CYRIA: variants seen among roughly 807,000 people sequenced by gnomAD.
CYRIA encodes CYFIP-related Rac1 interactor A.
In CYRIA, 15 loss-of-function variants were observed where a neutral mutation model predicts 43.9. The ratio of observed to expected loss-of-function variants is 0.34; its 90% CI spans 0.23 to 0.53. CYRIA has a LOEUF of 0.53. Among genes scored for constraint, CYRIA ranks in the 20% least tolerant of loss-of-function variants. The pLI is 0.94. For synonymous variants in CYRIA, 117 were observed against 136.0 expected (o/e 0.86, Z 0.97); for missense variants, 236 against 394.2 (o/e 0.60, Z 3.40).
rs554100815 is a variant in CYRIA at position 16,562,789 on chromosome 2, C to T, written c.299-648G>A. Among the ~76,000 whole-genome samples, 205 of 152,064 alleles carry T rather than the reference C, an allele frequency of 1.3e-3. 2 individuals are homozygous for T. The highest frequency in any genetic ancestry group is 0.01 in the Admixed American group (153 of 15,280). On this transcript the variant is annotated intron_variant, in intron 5 of 11. Transcript: ENST00000381323. ...CAAGGTATGACCCATCAGCCAAATCCGGTCCATTACTTGTGTTTTGTAAAT... is the reference window on the plus strand; with the variant it reads ...CAAGGTATGACCCATCAGCCAAATCTGGTCCATTACTTGTGTTTTGTAAAT...
chr2:16,589,954 A>G (rs1195314350), intron 2 of CYRIA, among the ~76,000 whole-genome samples: 2 of 152,066 alleles, frequency 1.3e-5, no homozygotes, highest in Admixed American at 6.6e-5. Context: ...GAAAAATGCT[A>G]TAACAGCCCT....
intron 3 of CYRIA, among the ~76,000 whole-genome samples, chr2:16,584,729 C>A (rs180820562): frequency 2.4e-4 from 37 of 152,248 alleles, no homozygotes; most frequent in African/African-American, 4.1e-4. Flanking sequence ...TTCAAACATG[C>A]CCTTCCTATT....
chr2:16,637,483 C>T (rs1032887977), intron 1 of CYRIA, among the ~76,000 whole-genome samples: 4 of 152,172 alleles, frequency 2.6e-5, no homozygotes, highest in South Asian at 2.1e-4. Context: ...AGGAAGCCAG[C>T]CCTCACCAGA....
intron 2 of CYRIA, among the ~76,000 whole-genome samples, chr2:16,609,453 C>T (rs1254125533): frequency 6.6e-6 from 1 of 152,218 alleles, no homozygotes; most frequent in African/African-American, 2.4e-5. Flanking sequence ...ACCTCAGCTT[C>T]TAGCTGGAGA....
At chr2:16,553,748 C>T (rs1341409772) in intron 11 of CYRIA, among the ~76,000 whole-genome samples, 1 of 152,092 alleles carries the variant, frequency 6.6e-6, no homozygotes, top group Non-Finnish European at 1.5e-5. Context: ...AGCCTGTGCT[C>T]CTCTGACATC....
At chr2:16,572,872 T>C (rs188051689) in intron 3 of CYRIA, among the ~76,000 whole-genome samples, 29 of 152,310 alleles carry the variant, frequency 1.9e-4, no homozygotes, top group Admixed American at 5.2e-4. Context: ...CTGGCTAGCA[T>C]ATCACTTACT....
chr2:16,653,758 G>A (rs372098603), intron 1 of CYRIA, among the ~76,000 whole-genome samples: 2 of 152,176 alleles, frequency 1.3e-5, no homozygotes, highest in Non-Finnish European at 1.5e-5. Context: ...GGTTTATGGC[G>A]AATGTTACAC....
At chr2:16,638,023 C>T (rs571037784) in intron 1 of CYRIA, among the ~76,000 whole-genome samples, 7 of 152,090 alleles carry the variant, frequency 4.6e-5, no homozygotes, top group South Asian at 2.1e-4. Context: ...GCCTGGGTAA[C>T]GGGGGGTGAT....
At chr2:16,593,717 TG>T (rs556257760) in intron 2 of CYRIA, among the ~76,000 whole-genome samples, 3,485 of 63,328 alleles carry the variant, frequency 0.055, 173 homozygotes, top group South Asian at 0.073. Context: ...TGTGTGTGTG[TG>T]TTTTTTTTTT....
chr2:16,586,456 G>A (rs571425554), intron 3 of CYRIA, among the ~76,000 whole-genome samples: 16 of 151,864 alleles, frequency 1.1e-4, no homozygotes, highest in East Asian at 3.9e-4. Context: ...ATATCAACTC[G>A]CTCTGCCTCT....
intron 3 of CYRIA, among the ~76,000 whole-genome samples, chr2:16,583,843 A>T (rs1667634722): frequency 6.6e-6 from 1 of 152,244 alleles, no homozygotes; most frequent in Non-Finnish European, 1.5e-5. Flanking sequence ...AGAAATGTGA[A>T]TACAAAGTAT....
rs1286906483 is a variant in CYRIA, at chr2:16,560,916, C to T, written c.710+74G>A. On this transcript the variant is annotated intron_variant, in intron 9 of 11. Coordinates refer to ENST00000381323, the MANE Select transcript of CYRIA (RefSeq NM_030797.4). Reference sequence around the variant, plus strand: ...GGGTGTTGACCCAAATGTTACATATCATTAACATCATCATCTTAACAGACA... The same window carrying T: ...GGGTGTTGACCCAAATGTTACATATTATTAACATCATCATCTTAACAGACA... 3 of 1,303,448 alleles carry T rather than the reference C, an allele frequency of 2.3e-6. No homozygotes were observed. In the African/African-American group the frequency reaches 4.4e-5, roughly 19 times the overall value. The allele number at this position is 1,303,448 out of a possible 1,614,324, so 80.7% of individuals were successfully genotyped here.
Position 16,555,055 on chromosome 2 carries a change from G to C in CYRIA, c.908+14C>G, listed in dbSNP as rs759920261. On this transcript the variant is annotated intron_variant, in intron 11 of 11. Coordinates refer to ENST00000381323, the MANE Select transcript of CYRIA (RefSeq NM_030797.4). ...TGGCTGTTCCCTGTGAGCTGACACA[G>C]GGTTGAAGCTCACCTGAGGGCATTT... The C allele has an allele frequency of 6.2e-7, 1 of 1,611,172 alleles. No individual in the cohort carries two copies. Among genetic ancestry groups the C allele is most frequent in the Non-Finnish European group, 8.5e-7 (1 of 1,177,956 alleles).
intron 3 of CYRIA, among the ~76,000 whole-genome samples, chr2:16,586,389 G>A (rs892862032): frequency 6.6e-6 from 1 of 152,086 alleles, no homozygotes; most frequent in African/African-American, 2.4e-5. Flanking sequence ...ATATGTGTGT[G>A]TGTGGTTTTT....
At chr2:16,604,563 A>C (rs543133726) in intron 2 of CYRIA, among the ~76,000 whole-genome samples, 1 of 152,384 alleles carries the variant, frequency 6.6e-6, no homozygotes, top group East Asian at 1.9e-4. Flanking sequence ...CAAGCAAAAC[A>C]AACTACCCAC....
chr2:16,601,207 G>A (rs772277841), intron 2 of CYRIA, among the ~76,000 whole-genome samples: 41 of 152,280 alleles, frequency 2.7e-4, no homozygotes, highest in Admixed American at 8.5e-4. Flanking sequence ...ATTATGTGGG[G>A]TGAAGTCTTC....
intron 2 of CYRIA, among the ~76,000 whole-genome samples, chr2:16,598,864 T>C (rs1388185317): frequency 8.0e-6 from 1 of 125,266 alleles, no homozygotes; most frequent in South Asian, 2.6e-4. Flanking sequence ...TTTGTGGTTA[T>C]ATCTACTTTT....
At chr2:16,564,704 GTATA>G (rs1666866649) in intron 4 of CYRIA, among the ~76,000 whole-genome samples, 1 of 152,060 alleles carries the variant, frequency 6.6e-6, no homozygotes, top group South Asian at 2.1e-4. Flanking sequence ...ATTGGCATGC[GTATA>G]TGTATGTGTT....
chr2:16,665,232 G>A (rs147963076), intron 1 of CYRIA, among the ~76,000 whole-genome samples: 1 of 152,110 alleles, frequency 6.6e-6, no homozygotes, highest in African/African-American at 2.4e-5. Flanking sequence ...CTGGGTTCTG[G>A]GGGAGGAGAG....
Sources: allele counts gnomAD v4.1 joint callset (sites outside exome capture counted in the v4.1 genomes callset), GRCh38; gene constraint gnomAD v4.1.1; transcripts MANE v1.5; gene names NCBI Gene and HGNC (gene_info 2026-07-23, HGNC 2026-07-21).